The following JADE3 variants were observed in gnomAD, a reference collection of about 807,000 sequenced individuals.
The protein encoded by JADE3 is jade family PHD finger 3, also known as protein Jade-3.
In JADE3, 2 loss-of-function variants were observed where a neutral mutation model predicts 50.1. The observed-to-expected ratio is 0.04, with a 90% CI of 0.02 to 0.13. JADE3 has a LOEUF of 0.13. Among genes scored for constraint, JADE3 ranks in the 10% least tolerant of loss-of-function variants. The pLI is 1.00. For missense variants in JADE3, 475 were observed against 634.4 expected (o/e 0.75, Z 2.70); for synonymous variants, 218 against 232.9 (o/e 0.94, Z 0.58).
At chrX:46,973,854 G>C (rs1250226022) in intron 1 of JADE3, among the ~76,000 whole-genome samples, 6 of 111,815 alleles carry the variant, frequency 5.4e-5, no homozygotes, top group Non-Finnish European at 1.1e-4. Context: ...GCCGAAGTGG[G>C]TGGATCACCT....
chrX:46,984,880 C>T lies in JADE3; in HGVS notation c.-11-4C>T. The T allele has an allele frequency of 8.3e-7, 1 of 1,201,853 alleles. No individual in the cohort carries two copies. The highest frequency in any genetic ancestry group is 1.1e-6 in the Non-Finnish European group (1 of 887,166). Reference sequence around the variant, plus strand: ...GTTTTATTCAGTGTTTTTCTTTTTCCCAGGATGCTCCAGGATGAAACGCCA... The same window carrying T: ...GTTTTATTCAGTGTTTTTCTTTTTCTCAGGATGCTCCAGGATGAAACGCCA... On this transcript the variant is annotated splice_region_variant and splice_polypyrimidine_tract_variant and intron_variant, in intron 1 of 10. Coordinates refer to ENST00000614628, the MANE Select transcript of JADE3 (RefSeq NM_014735.5).
chrX:46,950,163 C>G (rs186009713), intron 1 of JADE3, among the ~76,000 whole-genome samples: 2 of 111,568 alleles, frequency 1.8e-5, no homozygotes, highest in Admixed American at 9.5e-5. Flanking sequence ...ATTTATATAC[C>G]ACAAAATTCA....
At chrX:47,023,780 G>T (rs1293676034) in intron 4 of JADE3, among the ~76,000 whole-genome samples, 2 of 112,105 alleles carry the variant, frequency 1.8e-5, no homozygotes, top group Non-Finnish European at 3.8e-5. Flanking sequence ...GGTGGCACTT[G>T]CCTGTAATCC....
chrX:47,012,411 A>G (rs782560550), intron 4 of JADE3, among the ~76,000 whole-genome samples: 1 of 110,246 alleles, frequency 9.1e-6, no homozygotes, highest in African/African-American at 3.3e-5. Flanking sequence ...GCAAGTCCTC[A>G]TCTCTACAAA....
chrX:47,059,519 G>A lies in JADE3; in HGVS notation c.*442G>A, dbSNP rs1477493571. On this transcript the variant is annotated 3_prime_UTR_variant, in exon 11 of 11. Transcript: ENST00000614628. ...CTGTAGGAAGTTTCTAATTCCACTGGTATCTATAAACCCTTTTCAGGGGAG... is the reference window on the plus strand; with the variant it reads ...CTGTAGGAAGTTTCTAATTCCACTGATATCTATAAACCCTTTTCAGGGGAG... 1 of 117,251 alleles carries A rather than the reference G, an allele frequency of 8.5e-6. No homozygotes were observed. The highest frequency in any genetic ancestry group is 1.8e-5 in the Non-Finnish European group (1 of 57,019). The allele number at this position is 117,251 out of a possible 1,213,427, so 9.7% of individuals were successfully genotyped here.
chrX:46,978,913 A>G (rs1193623488), intron 1 of JADE3, among the ~76,000 whole-genome samples: 3 of 112,439 alleles, frequency 2.7e-5, no homozygotes, highest in East Asian at 2.8e-4. Context: ...AAATAGAGAT[A>G]TAAAGATTTA....
At chrX:46,927,728 C>T (rs369066056) in intron 1 of JADE3, among the ~76,000 whole-genome samples, 27 of 111,743 alleles carry the variant, frequency 2.4e-4, no homozygotes, top group African/African-American at 5.8e-4. Context: ...ACATTGAGGT[C>T]GGAATTACAG....
chrX:47,037,803 A>C (rs1270864311), intron 7 of JADE3, among the ~76,000 whole-genome samples: 3 of 111,662 alleles, frequency 2.7e-5, no homozygotes, highest in Non-Finnish European at 5.6e-5. Context: ...ATGTTCTTGT[A>C]GTTATTTTTA....
rs1929680938 is a variant in JADE3, at chrX:47,058,469, G to T, written c.1864G>T (p.Ala622Ser). 3 of 1,211,561 alleles carry T rather than the reference G, an allele frequency of 2.5e-6. No homozygotes were observed. Among genetic ancestry groups the T allele is most frequent in the East Asian group, 5.9e-5 (2 of 33,823 alleles). Residue 622 changes from alanine to serine, a missense_variant, in exon 11 of 11, where the codon GCT becomes TCT. By Grantham distance (99) the Ala-to-Ser change is moderately conservative. Coordinates refer to ENST00000614628, the MANE Select transcript of JADE3 (RefSeq NM_014735.5). ...GAGTGAAGCAAAGGAGTCCAGTCCT[G>T]CTTGGAGAACCCCGTCCTCGGAGTG... ...SRSEAKESSP[A>S]WRTPSSECYH...
intron 1 of JADE3, among the ~76,000 whole-genome samples, chrX:46,981,164 G>A (rs1556352952): frequency 8.9e-6 from 1 of 112,098 alleles, no homozygotes; most frequent in East Asian, 2.8e-4. Flanking sequence ...TCAAAATCCT[G>A]ACCCACTAAA....
rs1462281558 is a variant in JADE3, at chrX:47,059,144, A to G, written c.*67A>G. On this transcript the variant is annotated 3_prime_UTR_variant, in exon 11 of 11. Coordinates refer to ENST00000614628, the MANE Select transcript of JADE3 (RefSeq NM_014735.5). ...ATATATTGGGGAAAACCCATACACC[A>G]AAAGGATTTTAGCATATGTTAAGAG... 5 of 807,624 alleles carry G rather than the reference A, an allele frequency of 6.2e-6. No homozygotes were observed. In the East Asian group the frequency reaches 1.6e-4, roughly 26 times the overall value. The allele number at this position is 807,624 out of a possible 1,213,427, so 66.6% of individuals were successfully genotyped here.
chrX:46,936,691 G>A (rs782210407), intron 1 of JADE3, among the ~76,000 whole-genome samples: 1 of 111,641 alleles, frequency 9.0e-6, no homozygotes, highest in South Asian at 3.7e-4. Flanking sequence ...ATGAGTTTTA[G>A]TAGTTTGTTA....
At chrX:46,983,319 C>T (rs1927796101) in intron 1 of JADE3, among the ~76,000 whole-genome samples, 2 of 110,993 alleles carry the variant, frequency 1.8e-5, no homozygotes, top group Non-Finnish European at 3.8e-5. Context: ...GGTGAGCTTC[C>T]CTCTGAGTGT....
At chrX:47,017,635 A>T (rs1448077415) in intron 4 of JADE3, among the ~76,000 whole-genome samples, 1 of 112,189 alleles carries the variant, frequency 8.9e-6, no homozygotes, top group East Asian at 2.8e-4. Context: ...ATACACATGC[A>T]TATATGTATA....
At chrX:46,914,518 CCT>C (rs781947575) in intron 1 of JADE3, among the ~76,000 whole-genome samples, 48 of 111,490 alleles carry the variant, frequency 4.3e-4, no homozygotes, top group Non-Finnish European at 7.5e-4. Context: ...AGGATAATAC[CCT>C]CTCTTCAAGG....
At chrX:46,971,779 G>C in intron 1 of JADE3, among the ~76,000 whole-genome samples, 1 of 104,240 alleles carries the variant, frequency 9.6e-6, no homozygotes, top group Non-Finnish European at 2.0e-5. Context: ...CTGGGCGACA[G>C]AGCGAGACTC....
intron 1 of JADE3, among the ~76,000 whole-genome samples, chrX:46,923,800 A>G (rs1775232019): frequency 9.0e-6 from 1 of 110,944 alleles, no homozygotes; most frequent in African/African-American, 3.3e-5. Flanking sequence ...GCTGCTTCCC[A>G]AGAGCTAGCT....
intron 1 of JADE3, among the ~76,000 whole-genome samples, chrX:46,927,812 G>A (rs961078493): frequency 2.7e-5 from 3 of 111,554 alleles, no homozygotes; most frequent in Non-Finnish European, 3.8e-5. Flanking sequence ...TTGCATAACT[G>A]CCACATAGTA....
At chrX:47,021,531 G>C (rs1384850542) in intron 4 of JADE3, among the ~76,000 whole-genome samples, 4 of 111,408 alleles carry the variant, frequency 3.6e-5, no homozygotes, top group African/African-American at 1.3e-4. Context: ...CAAAGTGGTT[G>C]TTCAAATTCA....
Sources: allele counts gnomAD v4.1 joint callset (sites outside exome capture counted in the v4.1 genomes callset), GRCh38; gene constraint gnomAD v4.1.1; transcripts MANE v1.5; gene names NCBI Gene and HGNC (gene_info 2026-07-23, HGNC 2026-07-21).